The following NNMT variants were observed in gnomAD, a reference collection of about 807,000 sequenced individuals.
The protein encoded by NNMT is nicotinamide N-methyltransferase.
NNMT carries 10 observed loss-of-function variants against 11.7 expected under a neutral mutation model. The ratio of observed to expected loss-of-function variants is 0.85; its 90% confidence interval spans 0.53 to 1.45. NNMT has a LOEUF of 1.45. NNMT is among the 40% of genes most tolerant of loss of function. NNMT has a pLI of 0.00. For synonymous variants in NNMT, 143 were observed against 133.8 expected, an observed-to-expected ratio of 1.07 and a Z score of -0.48; for missense variants, 381 against 319.4, an observed-to-expected ratio of 1.19 and a Z score of -1.47.
intron 2 of NNMT, among the ~76,000 whole-genome samples, chr11:114,302,610 A>G (rs898365372): frequency 3.3e-5 from 5 of 152,190 alleles, no homozygotes; most frequent in African/African-American, 1.2e-4. Flanking sequence ...AAAATTTACC[A>G]TCTTTACTAT....
At chr11:114,302,749 T>C (rs755680638) in intron 2 of NNMT, among the ~76,000 whole-genome samples, 9 of 152,146 alleles carry the variant, frequency 5.9e-5, no homozygotes, top group South Asian at 2.1e-4. Context: ...TCCCTCCCAA[T>C]TTCTGTGTTG....
At chr11:114,298,290 G>A in intron 2 of NNMT, 132 bp downstream of exon 2, 1 of 729,080 alleles carries the variant, frequency 1.4e-6, no homozygotes, top group Non-Finnish European at 2.3e-6. Context: ...GAGAGCAAGA[G>A]AGATGAGATA....
intron 2 of NNMT, among the ~76,000 whole-genome samples, chr11:114,272,633 C>A (rs142836050): frequency 6.6e-6 from 1 of 152,288 alleles, no homozygotes; most frequent in East Asian, 1.9e-4. Context: ...AGTGAAGCTG[C>A]GAAGGCATCA....
chr11:114,296,748 G>A lies in NNMT; in HGVS notation c.154+38G>A, dbSNP rs746576318. On this transcript the variant is annotated intron_variant, in intron 1 of 2. Transcript: ENST00000299964. ...TCTGCATGTCTCCCCACTAATGTGAGTCATATAGATGGAGTCTCAGGGCAC... is the reference window on the plus strand; with the variant it reads ...TCTGCATGTCTCCCCACTAATGTGAATCATATAGATGGAGTCTCAGGGCAC... 28 of 1,606,988 alleles carry A rather than the reference G, an allele frequency of 1.7e-5. No individual in the cohort carries two copies. The Middle Eastern group carries it at 5.1e-4, about 29-fold the overall frequency.
intron 2 of NNMT, among the ~76,000 whole-genome samples, chr11:114,309,219 A>G (rs1009050628): frequency 6.6e-6 from 1 of 152,162 alleles, no homozygotes; most frequent in Non-Finnish European, 1.5e-5. Context: ...TAGTTTGTCT[A>G]TTCAAATACA....
intron 2 of NNMT, chr11:114,269,371 G>A (rs939272438): frequency 1.3e-5 from 2 of 152,078 alleles, no homozygotes; most frequent in Non-Finnish European, 2.9e-5. Flanking sequence ...CAACTTCTGG[G>A]CAGACTGAGT....
intron 2 of NNMT, among the ~76,000 whole-genome samples, chr11:114,288,643 G>C (rs1591832876): frequency 6.6e-6 from 1 of 152,114 alleles, no homozygotes; most frequent in African/African-American, 2.4e-5. Context: ...CTATACCACT[G>C]TCTAGCAGCG....
chr11:114,260,870 T>G (rs1211124068), intron 1 of NNMT, among the ~76,000 whole-genome samples: 2 of 152,170 alleles, frequency 1.3e-5, no homozygotes, highest in East Asian at 3.9e-4. Flanking sequence ...GGACCTGGGT[T>G]TGAGGCCAGC....
intron 2 of NNMT, 185 bp downstream of exon 2, chr11:114,298,343 T>A: frequency 1.7e-6 from 1 of 585,932 alleles, no homozygotes; most frequent in South Asian, 2.0e-5. Flanking sequence ...TATGTGCACG[T>A]GCATGTGTGC....
intron 2 of NNMT, among the ~76,000 whole-genome samples, chr11:114,285,082 GCTT>G (rs982031446): frequency 2.0e-5 from 3 of 151,888 alleles, no homozygotes; most frequent in Non-Finnish European, 4.4e-5. Context: ...CTCCCATCAC[GCTT>G]CTTCTTCCTT....
chr11:114,275,171 T>A (rs1177264369), intron 2 of NNMT, among the ~76,000 whole-genome samples: 1 of 152,114 alleles, frequency 6.6e-6, no homozygotes, highest in Non-Finnish European at 1.5e-5. Flanking sequence ...CTGTAAAGAG[T>A]AACCCTTTAA....
intron 2 of NNMT, among the ~76,000 whole-genome samples, chr11:114,274,094 G>T (rs181269114): frequency 2.0e-4 from 31 of 152,288 alleles, no homozygotes. Context: ...ACTGTGCTCA[G>T]TCATGTCTAA....
At chr11:114,307,042 C>G (rs1945498476) in intron 2 of NNMT, among the ~76,000 whole-genome samples, 1 of 152,156 alleles carries the variant, frequency 6.6e-6, no homozygotes, top group Non-Finnish European at 1.5e-5. Context: ...TCTTGATGAT[C>G]ATGATGATTG....
chr11:114,260,051 A>G (rs749666156), intron 1 of NNMT, among the ~76,000 whole-genome samples: 4 of 152,122 alleles, frequency 2.6e-5, no homozygotes, highest in Admixed American at 6.5e-5. Flanking sequence ...TTCTGACTCT[A>G]TGACAGAGTG....
chr11:114,293,453 A>G (rs1451327797), upstream of NNMT, among the ~76,000 whole-genome samples: 2 of 152,044 alleles, frequency 1.3e-5, no homozygotes, highest in East Asian at 2.0e-4. Context: ...GTGCACTCCA[A>G]CCAACAGTGT....
chr11:114,311,596 T>C (rs775863584), intron 2 of NNMT, among the ~76,000 whole-genome samples: 3 of 152,232 alleles, frequency 2.0e-5, no homozygotes, highest in Non-Finnish European at 2.9e-5. Flanking sequence ...AAAGATAATG[T>C]TTCAGCATTT....
At chr11:114,307,391 A>G (rs907385787) in intron 2 of NNMT, among the ~76,000 whole-genome samples, 6 of 151,992 alleles carry the variant, frequency 3.9e-5, no homozygotes, top group African/African-American at 1.2e-4. Context: ...ACTTAACATC[A>G]AGCTCTGTCC....
intron 2 of NNMT, among the ~76,000 whole-genome samples, chr11:114,278,614 G>GTGTT (rs1177466998): frequency 2.2e-5 from 3 of 136,308 alleles, no homozygotes; most frequent in Non-Finnish European, 1.6e-5. Context: ...TAATACTCAT[G>GTGTT]TGTGTGTGTG....
At chr11:114,278,016 AAT>A (rs1291519269) in intron 2 of NNMT, among the ~76,000 whole-genome samples, 3 of 152,212 alleles carry the variant, frequency 2.0e-5, no homozygotes, top group African/African-American at 7.2e-5. Flanking sequence ...TAAAAGAAGA[AAT>A]ATGTTGGCTG....
Sources: gnomAD v4.1 joint callset for allele counts (sites outside exome capture counted in the v4.1 genomes callset) on GRCh38, gnomAD v4.1.1 for gene constraint, MANE v1.5 for transcripts, NCBI Gene and HGNC (gene_info 2026-07-23, HGNC 2026-07-21) for gene names.